The following ADAM7 variants were observed in gnomAD, a reference collection of about 807,000 sequenced individuals.
ADAM7 encodes the protein disintegrin and metalloproteinase domain-containing protein 7.
ADAM7 carries 97 observed loss-of-function variants against 102.9 expected under a neutral mutation model. The ratio of observed to expected loss-of-function variants is 0.94; its 90% CI spans 0.80 to 1.12. ADAM7 has a LOEUF of 1.12. Among genes scored for constraint, ADAM7 ranks in the 50% most tolerant of loss-of-function variants. The pLI is 0.00. For missense variants in ADAM7, 991 were observed against 908.7 expected (o/e 1.09, Z -1.16); for synonymous variants, 334 against 304.4 (o/e 1.10, Z -1.01).
intron 7 of ADAM7, 77 bp from the exon 8 acceptor site, chr8:24,476,356 G>C: frequency 9.1e-7 from 1 of 1,094,834 alleles, no homozygotes; most frequent in Non-Finnish European, 1.3e-6. Flanking sequence ...TGTAATAGCT[G>C]ATGAATGAAG....
chr8:24,466,375 T>A lies in ADAM7; in HGVS notation c.390-424T>A, dbSNP rs141157199. On this transcript the variant is annotated intron_variant, in intron 5 of 21. Transcript: ENST00000175238. ...GGAAATTTGCTTGACTAGTTCTTAGTGTTTTCAAGAATGAGAACCCCTTTA... is the reference window on the plus strand; with the variant it reads ...GGAAATTTGCTTGACTAGTTCTTAGAGTTTTCAAGAATGAGAACCCCTTTA... Among the ~76,000 whole-genome samples, 976 of 152,336 alleles carry A rather than the reference T, an allele frequency of 6.4e-3. 12 individuals are homozygous for A. The highest frequency in any genetic ancestry group is 0.022 in the African/African-American group (930 of 41,590).
intron 3 of ADAM7, among the ~76,000 whole-genome samples, chr8:24,462,173 T>C (rs1013490246): frequency 3.3e-5 from 5 of 152,230 alleles, no homozygotes; most frequent in African/African-American, 1.2e-4. Context: ...GCAAATTCTG[T>C]CTTTTGGGTG....
chr8:24,457,166 T>C (rs944643903), intron 3 of ADAM7, among the ~76,000 whole-genome samples: 2 of 152,246 alleles, frequency 1.3e-5, no homozygotes, highest in African/African-American at 4.8e-5. Context: ...ATTTAACTAT[T>C]ATTAAATGTT....
rs1821047269 is a variant in ADAM7, at chr8:24,509,512, A to G, written c.*966A>G. Reference sequence around the variant, plus strand: ...CTGAAATAAAGTTTTCAAGTTCTAAATAAAAATATTCTGACTCGATGAAAT... The same window carrying G: ...CTGAAATAAAGTTTTCAAGTTCTAAGTAAAAATATTCTGACTCGATGAAAT... On this transcript the variant is annotated 3_prime_UTR_variant, in exon 22 of 22. Coordinates refer to ENST00000175238, the MANE Select transcript of ADAM7 (RefSeq NM_003817.4). 6.1e-6 allele frequency: 6 copies of G among 984,048 alleles called. No individual in the cohort carries two copies. The highest frequency in any genetic ancestry group is 7.2e-6 in the Non-Finnish European group (6 of 828,790). 61.0% of individuals were successfully genotyped at this position (984,048 alleles called of 1,614,324 possible).
At chr8:24,488,352 C>T (rs1477563305) in intron 11 of ADAM7, among the ~76,000 whole-genome samples, 1 of 152,094 alleles carries the variant, frequency 6.6e-6, no homozygotes, top group Non-Finnish European at 1.5e-5. Flanking sequence ...ATCTTTGAAT[C>T]CCTTCGGAGC....
chr8:24,463,258 T>C (rs1431870714), intron 3 of ADAM7, among the ~76,000 whole-genome samples: 1 of 152,120 alleles, frequency 6.6e-6, no homozygotes, highest in African/African-American at 2.4e-5. Context: ...GATCAAGAAG[T>C]GGCCATGGGT....
At position 24,474,719 on chromosome 8, in the gene ADAM7, C is replaced by T. The variant is rs1008076450; in HGVS notation, c.634-1714C>T. Among the ~76,000 whole-genome samples the T allele has an allele frequency of 2.0e-5, 3 of 151,756 alleles. No individual in the cohort carries two copies. The East Asian group carries it at 5.8e-4, about 29-fold the overall frequency. On this transcript the variant is annotated intron_variant, in intron 7 of 21. Coordinates refer to ENST00000175238, the MANE Select transcript of ADAM7 (RefSeq NM_003817.4). ...CAGCCTGGGCAACACAGCAAGACCT[C>T]ATCATGACAAAAAGAAAAGAAAAAA...
At position 24,447,840 on chromosome 8, in the gene ADAM7, T is replaced by A. The variant is rs75897391; in HGVS notation, c.233+578T>A. ...TAGCTCTGTCTCAGAGCCCCAGATATTAAAAGGATGAGGAGCTGTCAAATG... is the reference window on the plus strand; with the variant it reads ...TAGCTCTGTCTCAGAGCCCCAGATAATAAAAGGATGAGGAGCTGTCAAATG... On this transcript the variant is annotated intron_variant, in intron 3 of 21. Transcript: ENST00000175238. Among the ~76,000 whole-genome samples, 1,022 of 152,010 alleles carry A rather than the reference T, an allele frequency of 6.7e-3. 12 individuals carry two copies. Among genetic ancestry groups the A allele is most frequent in the African/African-American group, 0.024 (979 of 41,430 alleles).
intron 8 of ADAM7, among the ~76,000 whole-genome samples, chr8:24,477,569 A>AGTGTGTGAGTGTGTGTGTGAGTGTGTGT (rs60219377): frequency 6.9e-6 from 1 of 145,570 alleles, no homozygotes; most frequent in African/African-American, 2.6e-5. Flanking sequence ...TACCCTCATC[A>AGTGTGTGAGTGTGTGTGTGAGTGTGTGT]GTGTGTGTGT....
intron 2 of ADAM7, among the ~76,000 whole-genome samples, chr8:24,444,462 A>G (rs1471224392): frequency 1.3e-5 from 2 of 151,796 alleles, no homozygotes; most frequent in Admixed American, 6.6e-5. Flanking sequence ...GTCATTTTAC[A>G]GAGAGAAAGA....
rs192266120 is a variant in ADAM7, at chr8:24,443,542, C to A, written c.156+966C>A. Among the ~76,000 whole-genome samples, 1,250 of 152,330 alleles carry A rather than the reference C, an allele frequency of 8.2e-3. 8 individuals carry two copies. Among genetic ancestry groups the A allele is most frequent in the Admixed American group, 0.02 (311 of 15,296 alleles). ...TTTGTCTTGGCTGAAGATTGGTACTCAGCTAAGGGGGCTTTCACCAGCTTT... is the reference window on the plus strand; with the variant it reads ...TTTGTCTTGGCTGAAGATTGGTACTAAGCTAAGGGGGCTTTCACCAGCTTT... On this transcript the variant is annotated intron_variant, in intron 2 of 21. Coordinates refer to ENST00000175238, the MANE Select transcript of ADAM7 (RefSeq NM_003817.4).
intron 3 of ADAM7, among the ~76,000 whole-genome samples, chr8:24,456,351 A>G (rs1297316662): frequency 2.0e-5 from 3 of 152,126 alleles, no homozygotes; most frequent in Non-Finnish European, 2.9e-5. Context: ...TATCTTTACC[A>G]TATTCTCTTT....
chr8:24,509,460 C>T lies in ADAM7; in HGVS notation c.*914C>T. The T allele has an allele frequency of 1.0e-6, 1 of 984,912 alleles. No individual in the cohort carries two copies. The highest frequency in any genetic ancestry group is 1.2e-6 in the Non-Finnish European group (1 of 829,520). The allele number at this position is 984,912 out of a possible 1,614,324, so 61.0% of individuals were successfully genotyped here. A position where few individuals can be genotyped will look rare whatever the true frequency, so the allele number is the denominator to read the frequency against. On this transcript the variant is annotated 3_prime_UTR_variant, in exon 22 of 22. Coordinates refer to ENST00000175238, the MANE Select transcript of ADAM7 (RefSeq NM_003817.4). ...ATTTTCTTCTTGTGAACTGTTAAAG[C>T]TACATGCATTATTTTTTTTCCATTT...
At chr8:24,467,106 C>G in intron 6 of ADAM7, 118 bp downstream of exon 6, 1 of 1,003,536 alleles carries the variant, frequency 1.0e-6, no homozygotes, top group Non-Finnish European at 1.5e-6. Context: ...CAGTCTGGCA[C>G]TTCATCTGAT....
intron 2 of ADAM7, among the ~76,000 whole-genome samples, chr8:24,446,688 A>G (rs946658908): frequency 1.3e-5 from 2 of 151,934 alleles, no homozygotes; most frequent in African/African-American, 4.8e-5. Context: ...AGACGAAAAA[A>G]CAGTATGTAT....
chr8:24,475,636 A>C (rs1819743867), intron 7 of ADAM7, among the ~76,000 whole-genome samples: 1 of 152,112 alleles, frequency 6.6e-6, no homozygotes. Flanking sequence ...ATATCTTAGC[A>C]GTATTTTGAT....
chr8:24,493,243 C>A lies in ADAM7; in HGVS notation c.1842+14C>A. On this transcript the variant is annotated intron_variant, in intron 16 of 21. Transcript: ENST00000175238. ...GGAGAGGGAATGGTAAGACAAAAGC[C>A]CTTTGTTTTATTAAAACTTCTTAGT... The A allele has an allele frequency of 6.4e-7, 1 of 1,566,388 alleles. No individual in the cohort carries two copies. Among genetic ancestry groups the A allele is most frequent in the Non-Finnish European group, 8.6e-7 (1 of 1,162,072 alleles).
At chr8:24,503,238 A>C (rs938238049) in intron 20 of ADAM7, among the ~76,000 whole-genome samples, 1 of 152,064 alleles carries the variant, frequency 6.6e-6, no homozygotes, top group African/African-American at 2.4e-5. Flanking sequence ...TGAAGATCTA[A>C]GAAAAATGTT....
chr8:24,453,311 T>A (rs1048230823), intron 3 of ADAM7, among the ~76,000 whole-genome samples: 4 of 152,144 alleles, frequency 2.6e-5, no homozygotes, highest in Non-Finnish European at 5.9e-5. Flanking sequence ...ATTTGGTCTT[T>A]TCACATAGTC....
Sources: gnomAD v4.1 joint callset for allele counts (sites outside exome capture counted in the v4.1 genomes callset) on GRCh38, gnomAD v4.1.1 for gene constraint, MANE v1.5 for transcripts, NCBI Gene and HGNC (gene_info 2026-07-23, HGNC 2026-07-21) for gene names.